Variants in ARHGAP25 observed in about 807,000 individuals in gnomAD.
ARHGAP25 encodes Rho GTPase activating protein 25.
In ARHGAP25, 34 loss-of-function variants were observed where a neutral mutation model predicts 71.0. That is an observed-to-expected ratio of 0.48 (90% CI 0.36 to 0.64). The LOEUF is 0.64. ARHGAP25 is among the 30% of genes least tolerant of loss of function. ARHGAP25 has a pLI of 0.00. For missense variants in ARHGAP25, 706 were observed against 805.1 expected (o/e 0.88, Z 1.49); for synonymous variants, 282 against 296.5 (o/e 0.95, Z 0.50).
chr2:68,780,981 G>A (rs1678292614), intron 2 of ARHGAP25, among the ~76,000 whole-genome samples: 1 of 152,214 alleles, frequency 6.6e-6, no homozygotes, highest in African/African-American at 2.4e-5. Context: ...CACTAACGAT[G>A]TTACTTTGTG....
chr2:68,767,579 G>T lies in ARHGAP25; in HGVS notation c.62-7642G>T, dbSNP rs1202327299. On this transcript the variant is annotated intron_variant, in intron 1 of 10. Coordinates refer to ENST00000409202, the MANE Select transcript of ARHGAP25 (RefSeq NM_001007231.3). This position sits in a 1 kb window ranked among gnomAD's most constrained non-coding sequence, Gnocchi z 4.6. ...CAGCTGTGGTGTGGGCCTGACTGCC[G>T]GCCCACGGTAGCTTAGCTCACTCTC... Among the ~76,000 whole-genome samples, 1 of 152,068 alleles carries T rather than the reference G, an allele frequency of 6.6e-6. No individual in the cohort carries two copies. The highest frequency in any genetic ancestry group is 1.5e-5 in the Non-Finnish European group (1 of 67,992).
At position 68,817,903 on chromosome 2, in the gene ARHGAP25, T is replaced by C. The variant is rs1270353417; in HGVS notation, c.912T>C (p.Ala304=). 1 of 1,614,002 alleles carries C rather than the reference T, an allele frequency of 6.2e-7. No homozygotes were observed. The highest frequency in any genetic ancestry group is 8.5e-7 in the Non-Finnish European group (1 of 1,179,968). ...RFLHEIQLNC[A]VNKMSVDNLA... The stretch of plus-strand genomic sequence containing the variant: ...TACATGAAATACAGCTGAACTGTGC[T>C]GTTAACAAGATGAGTGTGGACAACC... Residue 304 remains alanine, a synonymous_variant, in exon 8 of 11, where the codon GCT becomes GCC. Transcript: ENST00000409202.
At chr2:68,747,185 A>G (rs1159014881) in intron 1 of ARHGAP25, among the ~76,000 whole-genome samples, 5 of 152,018 alleles carry the variant, frequency 3.3e-5, no homozygotes. Flanking sequence ...CTCCTTGAAA[A>G]AAAATTTTTT....
At chr2:68,730,922 C>T (rs1675006565), upstream of ARHGAP25, among the ~76,000 whole-genome samples, 1 of 152,174 alleles carries the variant, frequency 6.6e-6, no homozygotes, top group Non-Finnish European at 1.5e-5. Flanking sequence ...GGATGCCACC[C>T]AAGCAGAGGG....
chr2:68,775,157 C>G, intron 1 of ARHGAP25, 64 bp from the exon 2 acceptor site: 1 of 1,613,304 alleles, frequency 6.2e-7, no homozygotes, highest in Non-Finnish European at 8.5e-7. Flanking sequence ...CTCTCCTCTC[C>G]GCCCACTCTT....
At chr2:68,766,434 G>A (rs1428933781) in intron 1 of ARHGAP25, among the ~76,000 whole-genome samples, 1 of 152,154 alleles carries the variant, frequency 6.6e-6, no homozygotes, top group African/African-American at 2.4e-5. Context: ...GTTATTACAC[G>A]TGGCTTCCTG....
chr2:68,712,477 T>TAGTTTCTTTTTCTGTAC (rs1184237900), intron 2 of ARHGAP25, among the ~76,000 whole-genome samples: 1 of 152,198 alleles, frequency 6.6e-6, no homozygotes, highest in Non-Finnish European at 1.5e-5. Context: ...ATTCTGAAGA[T>TAGTTTCTTTTTCTGTAC]AGTTTCTTTT....
At chr2:68,810,802 T>A (rs1317593982) in intron 5 of ARHGAP25, among the ~76,000 whole-genome samples, 1 of 150,636 alleles carries the variant, frequency 6.6e-6, no homozygotes, top group Non-Finnish European at 1.5e-5. Flanking sequence ...AGTTCAGTGG[T>A]GTGATCTTGG....
chr2:68,806,523 G>C (rs1343345743), intron 4 of ARHGAP25, among the ~76,000 whole-genome samples: 1 of 152,150 alleles, frequency 6.6e-6, no homozygotes, highest in Non-Finnish European at 1.5e-5. Flanking sequence ...TTATAACTGA[G>C]ACAACTACTA....
rs774311887 is a variant in ARHGAP25 at position 68,813,413 on chromosome 2, G to C, written c.801G>C (p.Glu267Asp). 6.2e-7 allele frequency: 1 copy of C among 1,611,774 alleles called. No individual in the cohort carries two copies. The highest frequency in any genetic ancestry group is 1.3e-5 in the African/African-American group (1 of 74,832). The change falls in exon 6 of 11, where the codon GAG becomes GAC. Residue 267 changes from glutamate (E) to aspartate (D), a missense_variant. Transcript: ENST00000409202. ...GTGGGCAGCTCACGAATGCGGATGA[G>C]GCAAAGGTTTGCATCTTAGAGTTAG... ...LLCGQLTNAD[E>D]AKAQQELMKQ...
intron 1 of ARHGAP25, among the ~76,000 whole-genome samples, chr2:68,763,751 A>T (rs933349977): frequency 7.2e-5 from 11 of 152,216 alleles, no homozygotes; most frequent in African/African-American, 2.7e-4. Context: ...CCACATAAAA[A>T]GTGTAGAAAA....
intron 2 of ARHGAP25, among the ~76,000 whole-genome samples, chr2:68,719,420 C>T (rs553745145): frequency 2.3e-5 from 3 of 129,156 alleles, no homozygotes; most frequent in South Asian, 2.4e-4. Context: ...GGGAATTGGT[C>T]GACATGGCAA....
rs1681813155 is a variant in ARHGAP25, at chr2:68,822,877, G to A, written c.1733+5G>A. 2 of 1,602,480 alleles carry A rather than the reference G, an allele frequency of 1.2e-6. No individual in the cohort carries two copies. Among genetic ancestry groups the A allele is most frequent in the South Asian group, 1.1e-5 (1 of 89,494 alleles). ...GTATGAGGAACAGATTAAAAAGTAA[G>A]TCAGACAGAGGGGCACTGAGAGGCA... On this transcript the variant is annotated splice_donor_5th_base_variant and intron_variant, in intron 10 of 10. Coordinates refer to ENST00000409202, the MANE Select transcript of ARHGAP25 (RefSeq NM_001007231.3).
intron 1 of ARHGAP25, among the ~76,000 whole-genome samples, chr2:68,759,444 A>G (rs962977961): frequency 1.3e-5 from 2 of 151,928 alleles, no homozygotes; most frequent in African/African-American, 2.4e-5. Flanking sequence ...TAAAAGTACT[A>G]TAAGCAATTG....
At chr2:68,803,415 T>C (rs187387144) in intron 4 of ARHGAP25, among the ~76,000 whole-genome samples, 1 of 152,050 alleles carries the variant, frequency 6.6e-6, no homozygotes, top group Non-Finnish European at 1.5e-5. Flanking sequence ...GAAACCAGAT[T>C]GTGATGGGTT....
chr2:68,753,080 G>A (rs528529619), intron 1 of ARHGAP25, among the ~76,000 whole-genome samples: 5 of 151,820 alleles, frequency 3.3e-5, no homozygotes, highest in Non-Finnish European at 7.4e-5. Context: ...GGGGTGGATG[G>A]GGGGGGTGAT....
chr2:68,743,550 A>G (rs1229078154), intron 1 of ARHGAP25, among the ~76,000 whole-genome samples: 1 of 152,154 alleles, frequency 6.6e-6, no homozygotes, highest in Non-Finnish European at 1.5e-5. Flanking sequence ...TCTGCATTTG[A>G]TTCCATGCAC....
chr2:68,775,581 A>C, intron 2 of ARHGAP25, 161 bp downstream of exon 2: 1 of 1,114,218 alleles, frequency 9.0e-7, no homozygotes, highest in Non-Finnish European at 1.3e-6. Context: ...TAGATACATA[A>C]ACTGAGTTGC....
chr2:68,744,469 G>A (rs896500008), intron 1 of ARHGAP25, among the ~76,000 whole-genome samples: 1 of 152,158 alleles, frequency 6.6e-6, no homozygotes, highest in Non-Finnish European at 1.5e-5. Flanking sequence ...GAATTAAGAA[G>A]ATGAAAAAGA....
Sources: allele counts gnomAD v4.1 joint callset (sites outside exome capture counted in the v4.1 genomes callset), GRCh38; gene constraint gnomAD v4.1.1; non-coding constraint Gnocchi (gnomAD v3.1); transcripts MANE v1.5; gene names NCBI Gene and HGNC (gene_info 2026-07-23, HGNC 2026-07-21).